Variants in ADK observed in about 807,000 individuals in gnomAD.
ADK encodes the protein adenosine kinase, also known as N6,N6-dimethyladenosine kinase.
Under a neutral mutation model 44.7 loss-of-function variants are expected in ADK, and 24 were observed. The observed-to-expected ratio is 0.54, with a 90% CI of 0.39 to 0.76. The LOEUF is 0.76. Ranked by LOEUF, ADK falls within the 30% of genes least tolerant of loss-of-function variation. The pLI is 0.00. For missense variants in ADK, 321 were observed against 425.1 expected, an observed-to-expected ratio of 0.76 and a Z score of 2.15; for synonymous variants, 128 against 142.6, an observed-to-expected ratio of 0.90 and a Z score of 0.73.
intron 6 of ADK, among the ~76,000 whole-genome samples, chr10:74,503,887 A>G (rs1035420775): frequency 6.6e-6 from 1 of 152,190 alleles, no homozygotes; most frequent in Non-Finnish European, 1.5e-5. Context: ...AGCTGCCATC[A>G]TCTTGTCAGG....
chr10:74,655,820 G>C (rs564806943), intron 9 of ADK: 37 of 515,156 alleles, frequency 7.2e-5, no homozygotes, highest in Non-Finnish European at 1.2e-4. Context: ...TACAGGGCAA[G>C]GACAGAGAGG....
At position 74,502,795 on chromosome 10, in the gene ADK, G is replaced by T. The variant is rs139136070; in HGVS notation, c.556-22461G>T. On this transcript the variant is annotated intron_variant, in intron 6 of 10. Coordinates refer to ENST00000539909, the MANE Select transcript of ADK (RefSeq NM_006721.4). ...GATAATGTATTACCCCCTGGAAATT[G>T]GGTGTTATACTCAAATGTAAAGGAC... Among the ~76,000 whole-genome samples the T allele has an allele frequency of 4.1e-3, 623 of 152,208 alleles. 6 individuals carry two copies. The highest frequency in any genetic ancestry group is 0.031 in the Middle Eastern group (9 of 294).
chr10:74,705,906 T>C (rs1182671310), intron 10 of ADK, among the ~76,000 whole-genome samples: 8 of 152,376 alleles, frequency 5.3e-5, no homozygotes, highest in Non-Finnish European at 8.8e-5. Context: ...CATTTTTTCA[T>C]TTGCTTATTT....
intron 7 of ADK, among the ~76,000 whole-genome samples, chr10:74,578,252 A>G (rs1016888003): frequency 3.9e-5 from 6 of 152,136 alleles, no homozygotes; most frequent in Non-Finnish European, 8.8e-5. Flanking sequence ...ATTCTTTCTC[A>G]TTATTTTACA....
At chr10:74,423,236 T>C (rs374146190) in intron 6 of ADK, among the ~76,000 whole-genome samples, 1 of 152,150 alleles carries the variant, frequency 6.6e-6, no homozygotes, top group African/African-American at 2.4e-5. Context: ...TAAAATTGAA[T>C]TAGTATTTGT....
chr10:74,660,920 T>TACTCAGGAGG lies in ADK; in HGVS notation c.878-9262_878-9253dup, dbSNP rs199754348. Among the ~76,000 whole-genome samples, 1,058 of 151,812 alleles carry TACTCAGGAGG rather than the reference T, an allele frequency of 7.0e-3. 7 individuals are homozygous for TACTCAGGAGG. The highest frequency in any genetic ancestry group is 0.025 in the African/African-American group (1,023 of 41,380). On this transcript the variant is annotated intron_variant, in intron 9 of 10. Coordinates refer to ENST00000539909, the MANE Select transcript of ADK (RefSeq NM_006721.4). ...GGTGGCACGCACCTGCTGTCCCAGC[T>TACTCAGGAGG]ACTCAGGAGGCTGAGGCAGAAGAAT... is the stretch of plus-strand genomic sequence containing the variant.
chr10:74,625,404 A>C (rs1383470163), intron 9 of ADK, among the ~76,000 whole-genome samples: 2 of 152,134 alleles, frequency 1.3e-5, no homozygotes, highest in Admixed American at 1.3e-4. Flanking sequence ...GGTAATTGTG[A>C]TGGGATTTAA....
chr10:74,620,901 ATTTG>A (rs1852971268), intron 9 of ADK, among the ~76,000 whole-genome samples: 2 of 150,696 alleles, frequency 1.3e-5, no homozygotes, highest in Non-Finnish European at 3.0e-5. Flanking sequence ...TTTTGTTTTT[ATTTG>A]TTTGTTTGTT....
intron 3 of ADK, among the ~76,000 whole-genome samples, chr10:74,312,151 C>T (rs1011618130): frequency 1.3e-5 from 2 of 151,824 alleles, no homozygotes; most frequent in East Asian, 1.9e-4. Flanking sequence ...GGCAACAGAG[C>T]GAGATTCTGT....
chr10:74,572,795 C>T lies in ADK; in HGVS notation c.727-16487C>T, dbSNP rs972150253. Among the ~76,000 whole-genome samples, 10 of 152,288 alleles carry T rather than the reference C, an allele frequency of 6.6e-5. No individual in the cohort carries two copies. In the South Asian group the frequency reaches 1.5e-3, roughly 22 times the overall value. On this transcript the variant is annotated intron_variant, in intron 7 of 10. Transcript: ENST00000539909. ...TACCCTTTCTTCCAGTTGATCGAAT[C>T]GGCTCCTGAGGCTTCTGCATTCTTC...
At chr10:74,334,892 A>T (rs1039578478) in intron 4 of ADK, among the ~76,000 whole-genome samples, 1 of 152,138 alleles carries the variant, frequency 6.6e-6, no homozygotes, top group African/African-American at 2.4e-5. Context: ...GCCTTCATTC[A>T]GAGGCCTCTT....
At chr10:74,616,452 A>G (rs1338380741) in intron 9 of ADK, among the ~76,000 whole-genome samples, 3 of 152,170 alleles carry the variant, frequency 2.0e-5, no homozygotes, top group South Asian at 2.1e-4. Context: ...ATGAATAACC[A>G]ATTGACCTGG....
chr10:74,670,728 C>T (rs1855138407), intron 10 of ADK, among the ~76,000 whole-genome samples: 1 of 151,992 alleles, frequency 6.6e-6, no homozygotes, highest in South Asian at 2.1e-4. Context: ...GTTTGTTATA[C>T]TAAAAAGGGT....
chr10:74,445,504 T>A (rs1365433813), intron 6 of ADK, among the ~76,000 whole-genome samples: 2 of 152,022 alleles, frequency 1.3e-5, no homozygotes, highest in Non-Finnish European at 2.9e-5. Context: ...ATTCCTTTAC[T>A]GTTATATAAT....
chr10:74,678,335 A>G (rs1347777748), intron 10 of ADK, among the ~76,000 whole-genome samples: 1 of 152,114 alleles, frequency 6.6e-6, no homozygotes, highest in African/African-American at 2.4e-5. Context: ...AACACTGTCT[A>G]TGATTATTTG....
At chr10:74,669,273 C>T (rs572772493) in intron 9 of ADK, among the ~76,000 whole-genome samples, 92 of 152,242 alleles carry the variant, frequency 6.0e-4, no homozygotes, top group African/African-American at 2.1e-3. Flanking sequence ...TGATCTTAAA[C>T]GAGACTGAAG....
intron 3 of ADK, among the ~76,000 whole-genome samples, chr10:74,296,246 ATTAT>A (rs529338675): frequency 8.7e-4 from 132 of 152,242 alleles, no homozygotes; most frequent in African/African-American, 3.1e-3. Context: ...TTGTAAAAAA[ATTAT>A]TTAATACCAA....
intron 6 of ADK, among the ~76,000 whole-genome samples, chr10:74,482,320 A>ATT (rs1004108680): frequency 2.6e-5 from 4 of 152,178 alleles, no homozygotes; most frequent in African/African-American, 9.7e-5. Flanking sequence ...TTAAACAACT[A>ATT]TAGCTCATTG....
At chr10:74,370,925 G>A (rs780617017) in intron 4 of ADK, among the ~76,000 whole-genome samples, 14 of 152,064 alleles carry the variant, frequency 9.2e-5, no homozygotes, top group Non-Finnish European at 1.8e-4. Flanking sequence ...ATTTTATGGT[G>A]AGTTCAAAGT....
Sources: gnomAD v4.1 joint callset for allele counts (sites outside exome capture counted in the v4.1 genomes callset) on GRCh38, gnomAD v4.1.1 for gene constraint, MANE v1.5 for transcripts, NCBI Gene and HGNC (gene_info 2026-07-23, HGNC 2026-07-21) for gene names.